Variants in VIT observed in about 807,000 individuals in gnomAD.
VIT encodes vitrin.
VIT carries 99 observed loss-of-function variants against 78.0 expected under a neutral mutation model. The observed-to-expected ratio is 1.27, with a 90% CI of 1.08 to 1.50. VIT has a LOEUF of 1.50. Ranked by LOEUF, VIT falls within the 40% of genes most tolerant of loss-of-function variation. The pLI, the probability that VIT is intolerant of heterozygous loss-of-function variation, is 0.00. For missense variants in VIT, 1,126 were observed against 875.3 expected, an observed-to-expected ratio of 1.29 and a Z score of -3.61; for synonymous variants, 374 against 334.3, an observed-to-expected ratio of 1.12 and a Z score of -1.29.
intron 12 of VIT, among the ~76,000 whole-genome samples, chr2:36,799,264 G>A (rs1666137813): frequency 6.6e-6 from 1 of 152,152 alleles, no homozygotes; most frequent in South Asian, 2.1e-4. Flanking sequence ...CCAGGTCCTG[G>A]TGACTGGTTT....
chr2:36,719,698 C>T (rs1030281835), intron 2 of VIT, among the ~76,000 whole-genome samples: 3 of 152,140 alleles, frequency 2.0e-5, no homozygotes, highest in African/African-American at 7.2e-5. Context: ...CAGCACCTTG[C>T]GTGGCGGAAG....
chr2:36,808,349 G>A, intron 14 of VIT, 123 bp from the exon 15 acceptor site: 1 of 1,317,306 alleles, frequency 7.6e-7, no homozygotes, highest in South Asian at 1.6e-5. Context: ...AACACGGTAG[G>A]AGGGCTAGTG....
At chr2:36,774,110 C>A (rs1015819163) in intron 8 of VIT, among the ~76,000 whole-genome samples, 1 of 152,118 alleles carries the variant, frequency 6.6e-6, no homozygotes, top group African/African-American at 2.4e-5. Flanking sequence ...ATTCAGTAAC[C>A]GGGCTCTTAC....
chr2:36,716,383 G>T lies in VIT; in HGVS notation c.13G>T (p.Val5Phe), dbSNP rs148935502. Residue 5 changes from valine to phenylalanine, a missense_variant, in exon 2 of 16, where the codon GTT becomes TTT. Physicochemically the swap from Val to Phe is conservative, Grantham distance 50. Coordinates refer to ENST00000379242, the MANE Select transcript of VIT (RefSeq NM_053276.4). ...CATTCTGATATTTATGAGGACTGTTGTTCTCACTATGAAGGCATCTGTTAT... is the reference window on the plus strand; with the variant it reads ...CATTCTGATATTTATGAGGACTGTTTTTCTCACTATGAAGGCATCTGTTAT... MRTV[V>F]LTMKASVIEM... 1.9e-6 allele frequency: 3 copies of T among 1,613,782 alleles called. No individual in the cohort carries two copies. Among genetic ancestry groups the T allele is most frequent in the Non-Finnish European group, 1.7e-6 (2 of 1,179,862 alleles).
rs910966313 is a variant in VIT, at chr2:36,773,904, G to A, written c.736+57G>A. ...ATGAAAGTTAAGCTTGTTTACATGCGGTTCCTCTCCACATCTTTGCCATTT... is the reference window on the plus strand; with the variant it reads ...ATGAAAGTTAAGCTTGTTTACATGCAGTTCCTCTCCACATCTTTGCCATTT... On this transcript the variant is annotated intron_variant, in intron 8 of 15. Coordinates refer to ENST00000379242, the MANE Select transcript of VIT (RefSeq NM_053276.4). The A allele has an allele frequency of 2.7e-5, 41 of 1,531,630 alleles. 1 individual carries two copies. The highest frequency in any genetic ancestry group is 1.4e-4 in the South Asian group (11 of 78,298). 94.9% of individuals were successfully genotyped at this position (1,531,630 alleles called of 1,614,324 possible).
At chr2:36,770,696 G>T (rs1182210041) in intron 7 of VIT, among the ~76,000 whole-genome samples, 1 of 152,192 alleles carries the variant, frequency 6.6e-6, no homozygotes, top group Admixed American at 6.5e-5. Context: ...AAGAGTTCTG[G>T]AAAAGACAGA....
chr2:36,799,408 A>C (rs1489111938), intron 12 of VIT, among the ~76,000 whole-genome samples: 1 of 152,156 alleles, frequency 6.6e-6, no homozygotes, highest in Admixed American at 6.5e-5. Context: ...GTTTGTAGAA[A>C]GGCTACTTTA....
intron 12 of VIT, among the ~76,000 whole-genome samples, chr2:36,794,074 C>G (rs1665691431): frequency 6.6e-6 from 1 of 152,198 alleles, no homozygotes; most frequent in Non-Finnish European, 1.5e-5. Flanking sequence ...CTGTCCCTAG[C>G]CCTCAAGCCT....
At chr2:36,708,296 C>A (rs959949633) in intron 1 of VIT, among the ~76,000 whole-genome samples, 1 of 152,196 alleles carries the variant, frequency 6.6e-6, no homozygotes, top group Non-Finnish European at 1.5e-5. Flanking sequence ...AAACACAGCA[C>A]AAGCCTCTTA....
intron 12 of VIT, among the ~76,000 whole-genome samples, chr2:36,789,211 C>T (rs781285660): frequency 5.9e-5 from 9 of 152,158 alleles, no homozygotes; most frequent in Middle Eastern, 3.2e-3. Flanking sequence ...GATCTGAATT[C>T]GGGCCTCAGC....
chr2:36,760,118 C>T (rs1669019603), intron 6 of VIT, among the ~76,000 whole-genome samples: 1 of 152,046 alleles, frequency 6.6e-6, no homozygotes, highest in Non-Finnish European at 1.5e-5. Context: ...CCTCAGCCTC[C>T]CGAGTAGCTG....
In VIT at chr2:36,758,963, T is replaced by G. The variant is rs1352868887; in HGVS notation, c.410-6T>G. 2 of 1,612,352 alleles carry G rather than the reference T, an allele frequency of 1.2e-6. No individual in the cohort carries two copies. The highest frequency in any genetic ancestry group is 1.1e-5 in the South Asian group (1 of 90,642). On this transcript the variant is annotated splice_polypyrimidine_tract_variant and splice_region_variant and intron_variant, in intron 5 of 15. Coordinates refer to ENST00000379242, the MANE Select transcript of VIT (RefSeq NM_053276.4). ...AAATCTCGTTTTTTTTTTCTCTTTT[T>G]TGCAGAAAGTAAACCCAAAAAGGGT...
chr2:36,797,178 G>A (rs1665966940), intron 12 of VIT, among the ~76,000 whole-genome samples: 1 of 151,412 alleles, frequency 6.6e-6, no homozygotes, highest in Admixed American at 6.6e-5. Context: ...GGACTCTGAA[G>A]CTTATACAGT....
At position 36,719,767 on chromosome 2, in the gene VIT, T is replaced by C. The variant is rs552429030; in HGVS notation, c.52+3345T>C. On this transcript the variant is annotated intron_variant, in intron 2 of 15. Transcript: ENST00000379242. ...CAGCTTGCAAAGCATGGAGAAACCC[T>C]GTATCTACCAATAAATTTTAAAAAT... is the stretch of plus-strand genomic sequence containing the variant. Among the ~76,000 whole-genome samples, 5 of 152,258 alleles carry C rather than the reference T, an allele frequency of 3.3e-5. No individual in the cohort carries two copies. The South Asian group carries it at 1.0e-3, about 32-fold the overall frequency.
intron 2 of VIT, among the ~76,000 whole-genome samples, chr2:36,726,470 C>T (rs116472015): frequency 1.7e-3 from 258 of 152,214 alleles, no homozygotes; most frequent in African/African-American, 4.3e-3. Flanking sequence ...GTGTTGTTTA[C>T]GTTTTTCTAC....
chr2:36,784,855 C>G (rs1396544552), intron 11 of VIT, among the ~76,000 whole-genome samples: 1 of 152,198 alleles, frequency 6.6e-6, no homozygotes. Flanking sequence ...AGTCATGGGT[C>G]TCAGTCAAAA....
Position 36,773,773 on chromosome 2 carries a change from A to G in VIT, c.680-18A>G. Reference sequence around the variant, plus strand: ...ATTAAATAAAATTCATGCTCTGACCAGTCAAATGTCCTTACAGATCTCTGG... The same window carrying G: ...ATTAAATAAAATTCATGCTCTGACCGGTCAAATGTCCTTACAGATCTCTGG... On this transcript the variant is annotated intron_variant, in intron 7 of 15. Coordinates refer to ENST00000379242, the MANE Select transcript of VIT (RefSeq NM_053276.4). 1 of 1,568,680 alleles carries G rather than the reference A, an allele frequency of 6.4e-7. No homozygotes were observed. The highest frequency in any genetic ancestry group is 8.7e-7 in the Non-Finnish European group (1 of 1,155,792).
At chr2:36,704,601 T>C (rs927466101) in intron 1 of VIT, among the ~76,000 whole-genome samples, 3 of 152,186 alleles carry the variant, frequency 2.0e-5, no homozygotes, top group Non-Finnish European at 4.4e-5. Flanking sequence ...CTCCTGCTTC[T>C]AAATGACTCT....
intron 3 of VIT, among the ~76,000 whole-genome samples, 191 bp downstream of exon 3, chr2:36,729,682 G>A (rs1667076057): frequency 6.6e-6 from 1 of 152,192 alleles, no homozygotes. Flanking sequence ...TAGGAGCCCT[G>A]ACTTTAGGGT....
Sources: allele counts gnomAD v4.1 joint callset (sites outside exome capture counted in the v4.1 genomes callset), GRCh38; gene constraint gnomAD v4.1.1; transcripts MANE v1.5; gene names NCBI Gene and HGNC (gene_info 2026-07-23, HGNC 2026-07-21).